Variants in PARD3B observed in about 807,000 individuals in gnomAD.
PARD3B encodes par-3 family cell polarity regulator beta.
Under a neutral mutation model 130.2 loss-of-function variants are expected in PARD3B, and 103 were observed. That is an observed-to-expected ratio of 0.79 (90% CI 0.67 to 0.93). PARD3B has a LOEUF of 0.93. Ranked by LOEUF, PARD3B falls within the 40% of genes least tolerant of loss-of-function variation. The pLI, the probability that PARD3B is intolerant of heterozygous loss-of-function variation, is 0.00. For synonymous variants in PARD3B, 583 were observed against 553.2 expected, an observed-to-expected ratio of 1.05 and a Z score of -0.76; for missense variants, 1,609 against 1,499.2, an observed-to-expected ratio of 1.07 and a Z score of -1.21.
chr2:205,005,228 TAC>T (rs1695159788), intron 3 of PARD3B, among the ~76,000 whole-genome samples: 1 of 151,926 alleles, frequency 6.6e-6, no homozygotes, highest in African/African-American at 2.4e-5. Context: ...AAAAAGTATA[TAC>T]ACACATATAT....
At chr2:204,900,184 C>G (rs2046805158) in intron 2 of PARD3B, among the ~76,000 whole-genome samples, 1 of 152,080 alleles carries the variant, frequency 6.6e-6, no homozygotes, top group African/African-American at 2.4e-5. Flanking sequence ...GTTGGTTTCA[C>G]TTTGAATAAA....
At chr2:204,546,232 C>A in intron 1 of PARD3B, 113 bp downstream of exon 1, 1 of 1,413,712 alleles carries the variant, frequency 7.1e-7, no homozygotes, top group Non-Finnish European at 9.6e-7. Flanking sequence ...GGGGCACTGC[C>A]TGTAGCTGCA....
chr2:204,988,309 A>G (rs1027265115), intron 3 of PARD3B, among the ~76,000 whole-genome samples: 1 of 152,210 alleles, frequency 6.6e-6, no homozygotes, highest in African/African-American at 2.4e-5. Flanking sequence ...ACTCATGGAC[A>G]TAGAGAGTAG....
At position 205,125,857 on chromosome 2, in the gene PARD3B, T is replaced by C. The variant is rs2031329206; in HGVS notation, c.1434+120T>C. The C allele has an allele frequency of 7.4e-7, 1 of 1,358,894 alleles. No homozygotes were observed. The highest frequency in any genetic ancestry group is 1.0e-6 in the Non-Finnish European group (1 of 994,192). 84.2% of individuals were successfully genotyped at this position (1,358,894 alleles called of 1,614,324 possible). On this transcript the variant is annotated intron_variant, in intron 10 of 22. Transcript: ENST00000406610. The surrounding 1 kb of genome is among the most constrained non-coding windows in gnomAD (Gnocchi z 4.0). ...GGCTTCATTCATAACCAAAATTGAA[T>C]CACACTCAGGGTATTTTACCCCATT... is the stretch of plus-strand genomic sequence containing the variant.
chr2:205,327,469 C>A (rs1327305472), intron 18 of PARD3B, among the ~76,000 whole-genome samples: 3 of 152,156 alleles, frequency 2.0e-5, no homozygotes, highest in Non-Finnish European at 2.9e-5. Context: ...TTCATTTAAT[C>A]TTCACAATAA....
At position 205,589,224 on chromosome 2, in the gene PARD3B, G is replaced by A. The variant is rs961176301; in HGVS notation, c.3261-26232G>A. 6.6e-6 allele frequency among the ~76,000 whole-genome samples: 1 copy of A among 152,218 alleles called. No homozygotes were observed. Among genetic ancestry groups the A allele is most frequent in the African/African-American group, 2.4e-5 (1 of 41,454 alleles). ...GATCTCTTGAGCCCGGGAGGTCGAG[G>A]CAGCTGTAGTAAGCTGTGATCGCAC... On this transcript the variant is annotated intron_variant, in intron 22 of 22. Transcript: ENST00000406610. This position sits in a 1 kb window ranked among gnomAD's most constrained non-coding sequence, Gnocchi z 4.1.
intron 2 of PARD3B, among the ~76,000 whole-genome samples, chr2:204,819,216 C>G (rs1347696215): frequency 6.6e-6 from 1 of 152,230 alleles, no homozygotes; most frequent in Admixed American, 6.5e-5. Flanking sequence ...CTGTCTCAAG[C>G]AAGCCTGTCA....
intron 2 of PARD3B, among the ~76,000 whole-genome samples, chr2:204,951,777 A>G (rs1022238060): frequency 2.6e-5 from 4 of 152,246 alleles, no homozygotes; most frequent in Non-Finnish European, 2.9e-5. Context: ...GCAAGCAGTC[A>G]TCAGGGTGAT....
At chr2:204,701,698 C>T (rs1048202642) in intron 2 of PARD3B, among the ~76,000 whole-genome samples, 4 of 152,048 alleles carry the variant, frequency 2.6e-5, no homozygotes, top group Non-Finnish European at 4.4e-5. Flanking sequence ...AAGTATTTAA[C>T]GATGACTTCT....
Position 204,951,330 on chromosome 2 carries a change from A to T in PARD3B, c.223-13822A>T, listed in dbSNP as rs181613994. Among the ~76,000 whole-genome samples the T allele has an allele frequency of 3.3e-5, 5 of 152,280 alleles. No homozygotes were observed. In the East Asian group the frequency reaches 9.7e-4, roughly 29 times the overall value. On this transcript the variant is annotated intron_variant, in intron 2 of 22. Coordinates refer to ENST00000406610, the MANE Select transcript of PARD3B (RefSeq NM_001302769.2). ...TTTTCATATGTCTGTCAACTATTTCATAGTATGTAGATCTCTGTTACTGGG... is the reference window on the plus strand; with the variant it reads ...TTTTCATATGTCTGTCAACTATTTCTTAGTATGTAGATCTCTGTTACTGGG...
intron 18 of PARD3B, among the ~76,000 whole-genome samples, chr2:205,364,102 A>G (rs1226001759): frequency 2.6e-5 from 4 of 152,136 alleles, no homozygotes; most frequent in Non-Finnish European, 5.9e-5. Context: ...AGGAATTCCT[A>G]GAGATCCCTA....
intron 18 of PARD3B, among the ~76,000 whole-genome samples, chr2:205,310,225 C>A (rs1229291994): frequency 6.6e-6 from 1 of 151,692 alleles, no homozygotes; most frequent in Non-Finnish European, 1.5e-5. Flanking sequence ...GCTGGGACTA[C>A]AGGGGCCCAC....
At chr2:205,546,635 T>C (rs2052392641) in intron 21 of PARD3B, among the ~76,000 whole-genome samples, 1 of 152,180 alleles carries the variant, frequency 6.6e-6, no homozygotes, top group African/African-American at 2.4e-5. Flanking sequence ...CAAGTCATCT[T>C]ACTTCCTAAG....
At position 205,121,939 on chromosome 2, in the gene PARD3B, C is replaced by A. The variant is rs375274981; in HGVS notation, c.1155C>A (p.Asp385Glu). 1.1e-5 allele frequency: 17 copies of A among 1,602,794 alleles called. No individual in the cohort carries two copies. The Admixed American group carries it at 2.2e-4, about 21-fold the overall frequency. The change falls in exon 8 of 23, where the codon GAC (aspartate) becomes GAA (glutamate). Residue 385 changes from aspartate to glutamate, a missense_variant. Physicochemically the swap from Asp to Glu is conservative, Grantham distance 45. Coordinates refer to ENST00000406610, the MANE Select transcript of PARD3B (RefSeq NM_001302769.2). This position sits in a 1 kb window ranked among gnomAD's most constrained non-coding sequence, Gnocchi z 5.0. ...SNKNAKKIKIDLKKGPEGLGF... is the reference protein window; with the variant it reads ...SNKNAKKIKIELKKGPEGLGF... ...AAAATGCAAAGAAAATTAAGATTGACCTAAAGAAAGGTAATTATTAAATTA... is the reference window on the plus strand; with the variant it reads ...AAAATGCAAAGAAAATTAAGATTGAACTAAAGAAAGGTAATTATTAAATTA...
At chr2:204,925,774 C>T (rs1217601405) in intron 2 of PARD3B, among the ~76,000 whole-genome samples, 1 of 152,100 alleles carries the variant, frequency 6.6e-6, no homozygotes, top group African/African-American at 2.4e-5. Context: ...CAAATCTCAT[C>T]TCAAATTGTA....
intron 2 of PARD3B, among the ~76,000 whole-genome samples, chr2:204,852,521 A>G (rs562192564): frequency 1.6e-4 from 24 of 152,270 alleles, no homozygotes; most frequent in African/African-American, 5.8e-4. Flanking sequence ...ACATGAAGTA[A>G]AAAAATTTTG....
chr2:205,267,057 T>G (rs887793086), intron 16 of PARD3B, among the ~76,000 whole-genome samples: 3 of 151,980 alleles, frequency 2.0e-5, no homozygotes, highest in Admixed American at 1.3e-4. Flanking sequence ...TTTTTCAGAG[T>G]TTTTACTAAA....
chr2:204,827,416 T>C (rs976113077), intron 2 of PARD3B, among the ~76,000 whole-genome samples: 1 of 152,204 alleles, frequency 6.6e-6, no homozygotes, highest in African/African-American at 2.4e-5. Context: ...CCTTTAAAAC[T>C]TTTGTATAAA....
At chr2:205,090,231 T>G (rs530564270) in intron 4 of PARD3B, among the ~76,000 whole-genome samples, 1 of 152,316 alleles carries the variant, frequency 6.6e-6, no homozygotes, top group South Asian at 2.1e-4. Flanking sequence ...GGGAGAAACC[T>G]TAATGTAACT....
Sources: gnomAD v4.1 joint callset for allele counts (sites outside exome capture counted in the v4.1 genomes callset) on GRCh38, gnomAD v4.1.1 for gene constraint, Gnocchi (gnomAD v3.1) non-coding constraint, MANE v1.5 for transcripts, NCBI Gene and HGNC (gene_info 2026-07-23, HGNC 2026-07-21) for gene names.